Variants in NRXN1 observed in about 807,000 individuals in gnomAD.
The protein encoded by NRXN1 is neurexin-1.
A neutral mutation model predicts 150.9 loss-of-function variants in NRXN1; 39 were observed. The observed-to-expected ratio is 0.26, with a 90% CI of 0.20 to 0.34. NRXN1 has a LOEUF of 0.34. Ranked by LOEUF, NRXN1 falls within the 10% of genes least tolerant of loss-of-function variation. NRXN1 has a pLI of 1.00. For missense variants in NRXN1, 1,815 were observed against 1,949.9 expected (o/e 0.93, Z 1.30); for synonymous variants, 924 against 757.0 (o/e 1.22, Z -3.62).
At chr2:50,113,128 T>C (rs758685281) in intron 18 of NRXN1, among the ~76,000 whole-genome samples, 2 of 152,170 alleles carry the variant, frequency 1.3e-5, no homozygotes, top group African/African-American at 2.4e-5. Context: ...GGTATGGCAT[T>C]TTTGCAACAC....
intron 19 of NRXN1, among the ~76,000 whole-genome samples, chr2:50,064,977 T>C (rs1396548082): frequency 6.6e-6 from 1 of 152,104 alleles, no homozygotes; most frequent in African/African-American, 2.4e-5. Context: ...GAACACACAC[T>C]ACCAGAATCA....
intron 8 of NRXN1, among the ~76,000 whole-genome samples, chr2:50,558,873 G>C (rs932444165): frequency 2.6e-5 from 4 of 152,168 alleles, no homozygotes; most frequent in African/African-American, 9.6e-5. Context: ...TCAGGAGATC[G>C]AGATAGAGAC....
At chr2:50,401,943 C>A (rs370700860) in intron 17 of NRXN1, among the ~76,000 whole-genome samples, 11 of 152,058 alleles carry the variant, frequency 7.2e-5, no homozygotes, top group African/African-American at 2.7e-4. Flanking sequence ...GAAGTGACCT[C>A]TCTTCCCCTA....
intron 17 of NRXN1, among the ~76,000 whole-genome samples, chr2:50,334,468 G>C (rs931019429): frequency 1.9e-4 from 29 of 152,170 alleles, no homozygotes; most frequent in Admixed American, 1.0e-3. Flanking sequence ...TTCTCTAAAA[G>C]CCTATGTCTT....
intron 12 of NRXN1, among the ~76,000 whole-genome samples, chr2:50,516,739 A>T (rs959407510): frequency 2.4e-4 from 30 of 124,954 alleles, no homozygotes; most frequent in African/African-American, 9.7e-4. Context: ...AGAATGTCCC[A>T]TAAAGAGATG....
intron 8 of NRXN1, among the ~76,000 whole-genome samples, chr2:50,583,757 G>A (rs900212592): frequency 1.3e-5 from 2 of 152,126 alleles, no homozygotes; most frequent in African/African-American, 4.8e-5. Flanking sequence ...TGAAGACCCC[G>A]ACCAGATGTC....
chr2:50,157,352 T>TA (rs1375834817), intron 18 of NRXN1, among the ~76,000 whole-genome samples: 1 of 152,044 alleles, frequency 6.6e-6, no homozygotes. Flanking sequence ...GTTATATATG[T>TA]AAAGACAGAA....
chr2:50,671,262 T>G (rs1293035561), intron 5 of NRXN1, among the ~76,000 whole-genome samples: 1 of 151,780 alleles, frequency 6.6e-6, no homozygotes, highest in Non-Finnish European at 1.5e-5. Flanking sequence ...AAGAAAAGAC[T>G]AATAACTTTT....
chr2:50,393,610 C>T (rs749187246), intron 17 of NRXN1, among the ~76,000 whole-genome samples: 1 of 152,074 alleles, frequency 6.6e-6, no homozygotes, highest in Non-Finnish European at 1.5e-5. Context: ...TATATTGTTC[C>T]TCACTTTTAT....
At chr2:50,449,139 T>C (rs975854182) in intron 17 of NRXN1, among the ~76,000 whole-genome samples, 12 of 152,204 alleles carry the variant, frequency 7.9e-5, no homozygotes, top group African/African-American at 2.7e-4. Flanking sequence ...TTAGAGCATA[T>C]TATTTCTAAT....
chr2:50,644,929 A>G (rs1684605758), intron 5 of NRXN1, among the ~76,000 whole-genome samples: 1 of 151,480 alleles, frequency 6.6e-6, no homozygotes, highest in Non-Finnish European at 1.5e-5. Flanking sequence ...TTTCTTTTTC[A>G]AAAGCATGGC....
chr2:50,235,906 T>G (rs1574653408), intron 18 of NRXN1, among the ~76,000 whole-genome samples: 1 of 152,096 alleles, frequency 6.6e-6, no homozygotes, highest in African/African-American at 2.4e-5. Flanking sequence ...GAAAAGTTTT[T>G]GAATATGTGA....
chr2:50,352,813 G>A (rs1204915582), intron 17 of NRXN1, among the ~76,000 whole-genome samples: 2 of 136,630 alleles, frequency 1.5e-5, no homozygotes, highest in Non-Finnish European at 3.2e-5. Context: ...AATAATGCCA[G>A]GCTAAAAGCA....
chr2:50,705,698 C>T (rs552459067), intron 5 of NRXN1, among the ~76,000 whole-genome samples: 1 of 152,046 alleles, frequency 6.6e-6, no homozygotes, highest in African/African-American at 2.4e-5. Flanking sequence ...CAGCTTCAAC[C>T]TCATTTTGAC....
intron 8 of NRXN1, among the ~76,000 whole-genome samples, chr2:50,613,023 A>G (rs1490152440): frequency 1.3e-5 from 2 of 152,200 alleles, no homozygotes; most frequent in African/African-American, 2.4e-5. Context: ...GGCTGGGCCT[A>G]TAACAAACTG....
chr2:50,348,635 C>T (rs1202062335), intron 17 of NRXN1, among the ~76,000 whole-genome samples: 1 of 152,112 alleles, frequency 6.6e-6, no homozygotes, highest in Non-Finnish European at 1.5e-5. Context: ...AATACAGCAT[C>T]TTTAACTGAA....
chr2:50,214,276 T>C (rs1236313347), intron 18 of NRXN1, among the ~76,000 whole-genome samples: 1 of 152,014 alleles, frequency 6.6e-6, no homozygotes, highest in Non-Finnish European at 1.5e-5. Context: ...TGATCACAAT[T>C]CCTGAACATA....
intron 18 of NRXN1, among the ~76,000 whole-genome samples, chr2:50,119,599 T>C (rs563263633): frequency 1.2e-4 from 18 of 151,784 alleles, no homozygotes; most frequent in Non-Finnish European, 1.6e-4. Flanking sequence ...GAATGTAATA[T>C]GTGAAAAATG....
At chr2:50,242,032 T>C (rs1386180553) in intron 17 of NRXN1, among the ~76,000 whole-genome samples, 2 of 151,826 alleles carry the variant, frequency 1.3e-5, no homozygotes, top group Non-Finnish European at 2.9e-5. Flanking sequence ...AGGTTACTTT[T>C]TGAAAGCCTA....
Sources: allele counts gnomAD v4.1 joint callset (sites outside exome capture counted in the v4.1 genomes callset), GRCh38; gene constraint gnomAD v4.1.1; transcripts MANE v1.5; gene names NCBI Gene and HGNC (gene_info 2026-07-23, HGNC 2026-07-21).